SARS2: variants seen among roughly 807,000 people sequenced by gnomAD.
SARS2 encodes serine--tRNA ligase, mitochondrial.
SARS2 carries 52 observed loss-of-function variants against 66.8 expected under a neutral mutation model. The observed-to-expected ratio is 0.78, with a 90% CI of 0.62 to 0.98. The LOEUF (loss-of-function observed/expected upper bound fraction) is 0.98, where lower values mean the gene tolerates loss of function less well. Among genes scored for constraint, SARS2 ranks in the 50% least tolerant of loss-of-function variants. The probability of loss-of-function intolerance (pLI) is 0.00; values close to 1 mark genes in which losing one functional copy is unlikely to be tolerated. For synonymous variants in SARS2, 306 were observed against 281.4 expected (o/e 1.09, Z -0.87); for missense variants, 673 against 706.3 (o/e 0.95, Z 0.53).
intron 1 of SARS2, among the ~76,000 whole-genome samples, chr19:38,929,684 C>T (rs1004348213): frequency 6.6e-6 from 1 of 152,086 alleles, no homozygotes; most frequent in Admixed American, 6.5e-5. Flanking sequence ...CTTAGTTTCC[C>T]CTCTGATAAA....
intron 12 of SARS2, among the ~76,000 whole-genome samples, chr19:38,917,499 G>C (rs1169728712): frequency 1.3e-5 from 2 of 152,218 alleles, no homozygotes; most frequent in Non-Finnish European, 2.9e-5. Flanking sequence ...TCTCCACTCT[G>C]GCACACCGTG....
intron 1 of SARS2, chr19:38,930,113 TCA>T (rs1330548577): frequency 1.1e-5 from 3 of 264,336 alleles, no homozygotes; most frequent in Non-Finnish European, 2.2e-5. Flanking sequence ...CCCGTCCGAT[TCA>T]CACTTGGCTC....
In SARS2 at chr19:38,915,762, C is replaced by A. The variant is rs778257172; in HGVS notation, c.1414-13G>T. 3 of 1,612,942 alleles carry A rather than the reference C, an allele frequency of 1.9e-6. No individual in the cohort carries two copies. Among genetic ancestry groups the A allele is most frequent in the Admixed American group, 1.7e-5 (1 of 60,008 alleles). Reference sequence around the variant, plus strand: ...GCACTGAGCCGTCCTGGGGACAGAGCAGACCTCAGGACACTGCAGATGCCC... The same window carrying A: ...GCACTGAGCCGTCCTGGGGACAGAGAAGACCTCAGGACACTGCAGATGCCC... On this transcript the variant is annotated splice_polypyrimidine_tract_variant and intron_variant, in intron 15 of 15. Coordinates refer to ENST00000221431, the MANE Select transcript of SARS2 (RefSeq NM_017827.4).
Position 38,916,098 on chromosome 19 carries a change from T to C in SARS2, c.1286A>G (p.Gln429Arg), listed in dbSNP as rs764154009. The change falls in exon 14 of 16, where the codon CAG (glutamine) becomes CGG (arginine). Residue 429 changes from glutamine (Q) to arginine (R), a missense_variant. By Grantham distance (43) the Gln-to-Arg change is conservative. Transcript: ENST00000221431. ...GAACATGATGTGGAGGCGGCGGCTC[T>C]GGAAGTCTGTGCAGTTGGAAGCACT... ...VTSASNCTDFQSRRLHIMFQT... is the reference protein window; with the variant it reads ...VTSASNCTDFRSRRLHIMFQT... 6.2e-7 allele frequency: 1 copy of C among 1,613,902 alleles called. No homozygotes were observed. The highest frequency in any genetic ancestry group is 8.5e-7 in the Non-Finnish European group (1 of 1,179,952).
At chr19:38,920,034 CG>C (rs1974491070) in intron 6 of SARS2, 51 bp downstream of exon 6, 2 of 1,497,012 alleles carry the variant, frequency 1.3e-6, no homozygotes, top group Non-Finnish European at 1.8e-6. Flanking sequence ...AGCCAGCTGT[CG>C]GGGTGCAGGC....
At chr19:38,920,395 C>T (rs1036540768) in intron 5 of SARS2, among the ~76,000 whole-genome samples, 4 of 149,080 alleles carry the variant, frequency 2.7e-5, no homozygotes, top group African/African-American at 9.9e-5. Flanking sequence ...AATAAGAGGG[C>T]GCGGGGTGGG....
chr19:38,922,126 T>C (rs765930179), intron 3 of SARS2, 112 bp downstream of exon 3: 152 of 1,598,346 alleles, frequency 9.5e-5, no homozygotes, highest in Middle Eastern at 5.0e-4. Flanking sequence ...ATTTTTTTTT[T>C]CCCCTTAAAC....
rs1239234520 is a variant in SARS2, at chr19:38,915,581, C to A, written c.*25G>T. ...CTGAACTCCAGGAAGCAGTGACACCCCCGAGGGCTGCTGTGGGTGGGTTCT... is the reference window on the plus strand; with the variant it reads ...CTGAACTCCAGGAAGCAGTGACACCACCGAGGGCTGCTGTGGGTGGGTTCT... On this transcript the variant is annotated 3_prime_UTR_variant, in exon 16 of 16. Transcript: ENST00000221431. The A allele has an allele frequency of 6.2e-7, 1 of 1,609,656 alleles. No homozygotes were observed. Among genetic ancestry groups the A allele is most frequent in the South Asian group, 1.1e-5 (1 of 90,892 alleles).
intron 3 of SARS2, 80 bp from the exon 4 acceptor site, chr19:38,921,747 G>T (rs1974541348): frequency 1.9e-6 from 3 of 1,568,866 alleles, no homozygotes; most frequent in Admixed American, 3.7e-5. Context: ...CTGACCGGCA[G>T]AGCCCCTGTG....
At chr19:38,924,796 C>T (rs1172745509) in intron 2 of SARS2, among the ~76,000 whole-genome samples, 2 of 152,152 alleles carry the variant, frequency 1.3e-5, no homozygotes, top group South Asian at 2.1e-4. Flanking sequence ...GTGCGTACCC[C>T]CATACCCGGC....
At chr19:38,920,229 A>G in intron 5 of SARS2, 80 bp from the exon 6 acceptor site, 1 of 1,117,146 alleles carries the variant, frequency 9.0e-7, no homozygotes, top group Non-Finnish European at 1.3e-6. Flanking sequence ...CAGAGACAGC[A>G]GAGAGGAGGG....
At position 38,915,325 on chromosome 19, in the gene SARS2, G is replaced by A. The variant is rs1237967196; in HGVS notation, c.*281C>T. 1.8e-6 allele frequency: 1 copy of A among 550,864 alleles called. No individual in the cohort carries two copies. Among genetic ancestry groups the A allele is most frequent in the African/African-American group, 1.9e-5 (1 of 53,226 alleles). The allele number at this position is 550,864 out of a possible 1,614,324, so 34.1% of individuals were successfully genotyped here. On this transcript the variant is annotated 3_prime_UTR_variant, in exon 16 of 16. Coordinates refer to ENST00000221431, the MANE Select transcript of SARS2 (RefSeq NM_017827.4). ...AGCACTGTAGGAGGAAAGAAGGAAG[G>A]AGGGATGGAAGCCTCTTCCTCTGCT...
At chr19:38,926,558 G>A (rs1360783789) in intron 1 of SARS2, among the ~76,000 whole-genome samples, 1 of 152,162 alleles carries the variant, frequency 6.6e-6, no homozygotes, top group East Asian at 1.9e-4. Context: ...GGCCAAGGTG[G>A]GTGGATCACT....
At chr19:38,918,941 G>C in intron 7 of SARS2, 128 bp from the exon 8 acceptor site, 1 of 878,944 alleles carries the variant, frequency 1.1e-6, no homozygotes, top group Non-Finnish European at 1.8e-6. Flanking sequence ...TGGCGCAGTG[G>C]CTCACCCATG....
At position 38,915,510 on chromosome 19, in the gene SARS2, T is replaced by C. The variant is rs1476092245; in HGVS notation, c.*96A>G. 1.4e-6 allele frequency: 2 copies of C among 1,464,466 alleles called. No individual in the cohort carries two copies. The highest frequency in any genetic ancestry group is 1.9e-6 in the Non-Finnish European group (2 of 1,068,166). 90.7% of individuals were successfully genotyped at this position (1,464,466 alleles called of 1,614,324 possible). On this transcript the variant is annotated 3_prime_UTR_variant, in exon 16 of 16. Transcript: ENST00000221431. ...GTGGAGCTGACAGGAAGAACACAGA[T>C]GTCAGGACGGGCTCAGCAACACAGG...
intron 1 of SARS2, 111 bp from the exon 2 acceptor site, chr19:38,926,411 T>A: frequency 1.1e-6 from 1 of 934,794 alleles, no homozygotes; most frequent in East Asian, 2.6e-5. Flanking sequence ...GATCCCTACC[T>A]AGCCCTCAGT....
intron 7 of SARS2, 144 bp from the exon 8 acceptor site, chr19:38,918,957 C>T (rs776253026): frequency 5.8e-5 from 45 of 778,948 alleles, no homozygotes; most frequent in Non-Finnish European, 9.5e-5. Context: ...CCATGTAATC[C>T]CAGCACTTTG....
Position 38,919,014 on chromosome 19 carries a change from G to T in SARS2, c.760-201C>A, listed in dbSNP as rs566970425. On this transcript the variant is annotated intron_variant, in intron 7 of 15. Coordinates refer to ENST00000221431, the MANE Select transcript of SARS2 (RefSeq NM_017827.4). ...ACTTGAGGCCAGGAGTTTGAGACCA[G>T]CCTGGCCAACATGGCAAAACCCCCT... 2.0e-5 allele frequency among the ~76,000 whole-genome samples: 3 copies of T among 152,226 alleles called. No homozygotes were observed. The South Asian group carries it at 6.2e-4, about 32-fold the overall frequency.
In SARS2 at chr19:38,917,956, G is replaced by C; in HGVS notation, c.1015C>G (p.Pro339Ala). 1.2e-6 allele frequency: 2 copies of C among 1,608,894 alleles called. No individual in the cohort carries two copies. The highest frequency in any genetic ancestry group is 1.7e-6 in the Non-Finnish European group (2 of 1,177,500). Residue 339 changes from proline (P) to alanine (A), a missense_variant, in exon 11 of 16, where the codon CCC becomes GCC. Pro to Ala is a conservative substitution (Grantham distance 27). Coordinates refer to ENST00000221431, the MANE Select transcript of SARS2 (RefSeq NM_017827.4). ...TGGTGTACTCGATACAGCCCCCGGG[G>C]TTCCTGTCCCGTGTTTGTCTCTGCC... Reference protein sequence around the residue: ...YRAETNTGQEPRGLYRVHHFT... With the variant: ...YRAETNTGQEARGLYRVHHFT...
Sources: gnomAD v4.1 joint callset for allele counts (sites outside exome capture counted in the v4.1 genomes callset) on GRCh38, gnomAD v4.1.1 for gene constraint, MANE v1.5 for transcripts, NCBI Gene and HGNC (gene_info 2026-07-23, HGNC 2026-07-21) for gene names.